SPAG16: variants seen among roughly 807,000 people sequenced by gnomAD.
SPAG16 encodes sperm associated antigen 16, also known as sperm-associated antigen 16 protein.
A neutral mutation model predicts 80.4 loss-of-function variants in SPAG16; 86 were observed. The observed-to-expected ratio is 1.07, with a 90% CI of 0.90 to 1.28. SPAG16 has a LOEUF of 1.28. Ranked by LOEUF, SPAG16 falls within the 50% of genes most tolerant of loss-of-function variation. The probability of loss-of-function intolerance (pLI) is 0.00; values close to 1 mark genes in which losing one functional copy is unlikely to be tolerated. For synonymous variants in SPAG16, 294 were observed against 265.9 expected (o/e 1.11, Z -1.03); for missense variants, 870 against 765.3 (o/e 1.14, Z -1.61).
At chr2:213,421,224 C>A (rs2069564943) in intron 9 of SPAG16, among the ~76,000 whole-genome samples, 1 of 152,258 alleles carries the variant, frequency 6.6e-6, no homozygotes, top group Non-Finnish European at 1.5e-5. Context: ...TTTCCCTGCT[C>A]CTGGCACCCA....
chr2:213,862,478 C>T lies in SPAG16; in HGVS notation c.1071-7C>T, dbSNP rs753268977. The T allele has an allele frequency of 7.4e-6, 12 of 1,612,726 alleles. No individual in the cohort carries two copies. Among genetic ancestry groups the T allele is most frequent in the African/African-American group, 1.3e-5 (1 of 74,850 alleles). On this transcript the variant is annotated splice_region_variant and splice_polypyrimidine_tract_variant and intron_variant, in intron 10 of 15. Coordinates refer to ENST00000331683, the MANE Select transcript of SPAG16 (RefSeq NM_024532.5). ...CCCATAACTCTTTTTTCTTTCTCCT[C>T]GCGCAGTGTCTCCATGCAACCCCAC...
At chr2:213,960,830 G>T (rs1411245751) in intron 12 of SPAG16, among the ~76,000 whole-genome samples, 2 of 152,172 alleles carry the variant, frequency 1.3e-5, no homozygotes, top group African/African-American at 2.4e-5. Flanking sequence ...TGTGGCTGGT[G>T]GGGGAGCGCT....
intron 15 of SPAG16, among the ~76,000 whole-genome samples, chr2:214,352,842 CATTTT>C (rs200618743): frequency 0.013 from 1,929 of 152,082 alleles, 43 homozygotes; most frequent in Admixed American, 0.054. Context: ...CTTTAACATA[CATTTT>C]ATTTTGTCAT....
intron 9 of SPAG16, among the ~76,000 whole-genome samples, chr2:213,400,919 C>T (rs1158663873): frequency 6.6e-6 from 1 of 152,068 alleles, no homozygotes. Context: ...CTGATCCTCC[C>T]ACCTCAGCCT....
intron 11 of SPAG16, among the ~76,000 whole-genome samples, chr2:213,892,438 A>G (rs1444372072): frequency 6.6e-6 from 1 of 152,174 alleles, no homozygotes; most frequent in Admixed American, 6.6e-5. Flanking sequence ...ACAGGAAACC[A>G]TGATTTCCCC....
At chr2:214,190,196 G>C (rs1471525415) in intron 15 of SPAG16, among the ~76,000 whole-genome samples, 1 of 151,990 alleles carries the variant, frequency 6.6e-6, no homozygotes, top group Non-Finnish European at 1.5e-5. Context: ...CCTCAATACT[G>C]GTAATCTCTC....
At chr2:214,194,025 T>A (rs540374912) in intron 15 of SPAG16, among the ~76,000 whole-genome samples, 1 of 152,238 alleles carries the variant, frequency 6.6e-6, no homozygotes, top group African/African-American at 2.4e-5. Flanking sequence ...AGAATTACTC[T>A]TTATATAATA....
chr2:213,867,923 CAACAAAAAA>C (rs1192105605), intron 11 of SPAG16, among the ~76,000 whole-genome samples: 42 of 55,374 alleles, frequency 7.6e-4, no homozygotes, highest in African/African-American at 2.5e-3. Context: ...GACTCTGTCT[CAACAAAAAA>C]AAAAAAAAAA....
chr2:214,107,623 A>C (rs2053448988), intron 13 of SPAG16, among the ~76,000 whole-genome samples: 2 of 152,184 alleles, frequency 1.3e-5, no homozygotes, highest in Non-Finnish European at 2.9e-5. Flanking sequence ...TATTTGGATA[A>C]GTTAAATTGA....
intron 11 of SPAG16, among the ~76,000 whole-genome samples, chr2:213,927,350 C>T (rs909932499): frequency 2.0e-5 from 3 of 152,052 alleles, no homozygotes; most frequent in Non-Finnish European, 2.9e-5. Flanking sequence ...TTGTGTGGAG[C>T]CCAGGGAAAC....
chr2:213,889,692 TATATATACAC>T (rs1262977594), intron 11 of SPAG16, among the ~76,000 whole-genome samples: 1 of 147,516 alleles, frequency 6.8e-6, no homozygotes, highest in Non-Finnish European at 1.5e-5. Context: ...TACATATACA[TATATATACAC>T]ATATATATAC....
At chr2:214,112,532 T>C (rs1245585032) in intron 14 of SPAG16, among the ~76,000 whole-genome samples, 1 of 152,210 alleles carries the variant, frequency 6.6e-6, no homozygotes, top group Non-Finnish European at 1.5e-5. Flanking sequence ...TAGTTAGCTC[T>C]TCTTGTTTAA....
At chr2:213,847,701 A>T (rs1016864361) in intron 10 of SPAG16, among the ~76,000 whole-genome samples, 1 of 152,182 alleles carries the variant, frequency 6.6e-6, no homozygotes, top group Non-Finnish European at 1.5e-5. Context: ...TTATGCCTAC[A>T]TAAGTTAGGT....
chr2:213,799,598 T>C (rs1168206115), intron 10 of SPAG16, among the ~76,000 whole-genome samples: 2 of 152,134 alleles, frequency 1.3e-5, no homozygotes, highest in Non-Finnish European at 2.9e-5. Context: ...CACAACTTTG[T>C]AGGATACATG....
chr2:213,852,529 T>C (rs2105913071), intron 10 of SPAG16, among the ~76,000 whole-genome samples: 1 of 152,204 alleles, frequency 6.6e-6, no homozygotes, highest in Middle Eastern at 3.4e-3. Flanking sequence ...TTTCCTTCTG[T>C]CCCTTGAGTG....
At chr2:213,846,092 T>G (rs970168840) in intron 10 of SPAG16, among the ~76,000 whole-genome samples, 3 of 152,198 alleles carry the variant, frequency 2.0e-5, no homozygotes, top group Non-Finnish European at 1.5e-5. Context: ...CTTAATTATT[T>G]TTATAACTTA....
At chr2:213,600,967 A>G (rs1197286104) in intron 10 of SPAG16, among the ~76,000 whole-genome samples, 1 of 152,208 alleles carries the variant, frequency 6.6e-6, no homozygotes, top group Non-Finnish European at 1.5e-5. Flanking sequence ...CCACCACACA[A>G]TGAGGTACAG....
chr2:213,593,269 G>GT (rs1330941265), intron 10 of SPAG16, among the ~76,000 whole-genome samples: 1 of 152,008 alleles, frequency 6.6e-6, no homozygotes, highest in Non-Finnish European at 1.5e-5. Context: ...GCATTTTTCT[G>GT]TAAGTCCATG....
chr2:213,648,201 C>A (rs1222832975), intron 10 of SPAG16, among the ~76,000 whole-genome samples: 1 of 152,042 alleles, frequency 6.6e-6, no homozygotes, highest in East Asian at 1.9e-4. Flanking sequence ...GAATAGCAAG[C>A]AAAGTTTTAA....
Sources: gnomAD v4.1 joint callset for allele counts (sites outside exome capture counted in the v4.1 genomes callset) on GRCh38, gnomAD v4.1.1 for gene constraint, MANE v1.5 for transcripts, NCBI Gene and HGNC (gene_info 2026-07-23, HGNC 2026-07-21) for gene names.